Variants in NOS1 observed in about 807,000 individuals in gnomAD.
The protein encoded by NOS1 is NOS type I.
In NOS1, 51 loss-of-function variants were observed where a neutral mutation model predicts 164.5. That is an observed-to-expected ratio of 0.31 (90% CI 0.25 to 0.39). NOS1 has a LOEUF of 0.39. Among genes scored for constraint, NOS1 ranks in the 10% least tolerant of loss-of-function variants. NOS1 has a pLI of 1.00. For missense variants in NOS1, 1,362 were observed against 1,885.6 expected (o/e 0.72, Z 5.14); for synonymous variants, 719 against 745.8 (o/e 0.96, Z 0.59).
At chr12:117,233,951 C>T (rs1869485841) in intron 21 of NOS1, among the ~76,000 whole-genome samples, 1 of 152,012 alleles carries the variant, frequency 6.6e-6, no homozygotes, top group Admixed American at 6.6e-5. Flanking sequence ...AGTGACAGTC[C>T]TGTATTGGTC....
Position 117,330,212 on chromosome 12 carries a change from T to A in NOS1, c.725+133A>T. 7.3e-7 allele frequency: 1 copy of A among 1,376,650 alleles called. No homozygotes were observed. Among genetic ancestry groups the A allele is most frequent in the South Asian group, 1.8e-5 (1 of 54,320 alleles). The allele number at this position is 1,376,650 out of a possible 1,614,324, so 85.3% of individuals were successfully genotyped here. On this transcript the variant is annotated intron_variant, in intron 2 of 28. Coordinates refer to ENST00000317775, the MANE Select transcript of NOS1 (RefSeq NM_000620.5). This position sits in a 1 kb window ranked among gnomAD's most constrained non-coding sequence, Gnocchi z 4.6. ...GATCAAGGGGGCCGTCAAGTGGTTA[T>A]GCAAAAACAGGTATCTGAGACAGCC...
In NOS1 at chr12:117,265,466, G is replaced by A; in HGVS notation, c.1986C>T (p.Ser662=). 6.3e-7 allele frequency: 1 copy of A among 1,579,014 alleles called. No individual in the cohort carries two copies. Among genetic ancestry groups the A allele is most frequent in the Non-Finnish European group, 8.6e-7 (1 of 1,162,976 alleles). ...TIVDHHSATE[S]FIKHMENEYR... ...ACTCATTCTCCATGTGCTTAATGAA[G>A]GACTCGGTGGCGGAGTGATGGTCAA... The change falls in exon 12 of 29, where the codon TCC becomes TCT. Residue 662 remains serine (S), a synonymous_variant. Transcript: ENST00000317775.
At chr12:117,235,229 C>G (rs1869606652) in intron 20 of NOS1, among the ~76,000 whole-genome samples, 1 of 152,164 alleles carries the variant, frequency 6.6e-6, no homozygotes, top group Non-Finnish European at 1.5e-5. Flanking sequence ...TCATTCTACA[C>G]TGAGGCTTTT....
chr12:117,245,215 G>A (rs554014159), intron 18 of NOS1, among the ~76,000 whole-genome samples: 181 of 152,272 alleles, frequency 1.2e-3, no homozygotes, highest in African/African-American at 4.3e-3. Context: ...TTCCCCTGGG[G>A]TTGCTGAGGA....
chr12:117,249,392 T>A (rs1032219583), intron 17 of NOS1, among the ~76,000 whole-genome samples: 32 of 152,338 alleles, frequency 2.1e-4, no homozygotes, highest in South Asian at 4.1e-4. Context: ...CTGGAACCAC[T>A]GGTTGTTTCT....
At position 117,352,211 on chromosome 12, in the gene NOS1, A is replaced by ACATACATG. The variant is rs1250334968; in HGVS notation, c.-421+9300_-421+9301insCATGTATG. On this transcript the variant is annotated intron_variant, in intron 1 of 28. Coordinates refer to ENST00000317775, the MANE Select transcript of NOS1 (RefSeq NM_000620.5). ...TACATACATACATACATACATACAT[A>ACATACATG]CATGCATACATAATACAGTGTTCAA... 2.1e-4 allele frequency among the ~76,000 whole-genome samples: 32 copies of ACATACATG among 151,910 alleles called. No homozygotes were observed. The East Asian group carries it at 2.3e-3, about 11-fold the overall frequency.
intron 17 of NOS1, among the ~76,000 whole-genome samples, chr12:117,248,197 A>T (rs1341834663): frequency 4.3e-4 from 64 of 149,186 alleles, no homozygotes; most frequent in Admixed American, 1.1e-3. Flanking sequence ...TTTTTTTTTT[A>T]AATTTATTAT....
intron 7 of NOS1, among the ~76,000 whole-genome samples, chr12:117,281,507 G>GAGA (rs1566056800): frequency 1.2e-5 from 1 of 80,674 alleles, no homozygotes; most frequent in African/African-American, 4.9e-5. Context: ...GCGACAGAGC[G>GAGA]AGACTCCATC....
At chr12:117,323,972 C>T (rs1875113253) in intron 2 of NOS1, among the ~76,000 whole-genome samples, 1 of 150,862 alleles carries the variant, frequency 6.6e-6, no homozygotes, top group Non-Finnish European at 1.5e-5. Context: ...TTATATTTAG[C>T]AGAGATGGGG....
At chr12:117,222,498 C>T (rs956242620) in intron 26 of NOS1, among the ~76,000 whole-genome samples, 5 of 152,198 alleles carry the variant, frequency 3.3e-5, no homozygotes, top group African/African-American at 1.2e-4. Context: ...AAGTGATCCA[C>T]CTGCCTTGGC....
chr12:117,209,695 C>G lies in NOS1; in HGVS notation c.*5614G>C. On this transcript the variant is annotated 3_prime_UTR_variant, in exon 29 of 29. Transcript: ENST00000317775. ...GGCTTTGATAAGTATTAATAGGAAA[C>G]AGACTCTCGACAGACACTGCTTTCC... 1 of 985,504 alleles carries G rather than the reference C, an allele frequency of 1.0e-6. No homozygotes were observed. The highest frequency in any genetic ancestry group is 1.2e-6 in the Non-Finnish European group (1 of 829,956). 61.0% of individuals were successfully genotyped at this position (985,504 alleles called of 1,614,324 possible).
chr12:117,214,442 G>A lies in NOS1; in HGVS notation c.*867C>T. 3.0e-6 allele frequency: 3 copies of A among 985,342 alleles called. No individual in the cohort carries two copies. Among genetic ancestry groups the A allele is most frequent in the Non-Finnish European group, 3.6e-6 (3 of 829,910 alleles). 61.0% of individuals were successfully genotyped at this position (985,342 alleles called of 1,614,324 possible). A position where few individuals can be genotyped will look rare whatever the true frequency, so the allele number is the denominator to read the frequency against. ...TGGAGGAGGGGGTCAGTCAATGGAT[G>A]TGGCAAAGTCAAGTGATTCTAGCTG... On this transcript the variant is annotated 3_prime_UTR_variant, in exon 29 of 29. Transcript: ENST00000317775.
At chr12:117,293,032 C>A (rs1260138327) in intron 3 of NOS1, among the ~76,000 whole-genome samples, 1 of 152,130 alleles carries the variant, frequency 6.6e-6, no homozygotes, top group Non-Finnish European at 1.5e-5. Flanking sequence ...GAAGAGGAAG[C>A]AAGGTCTTAC....
chr12:117,225,062 A>G lies in NOS1; in HGVS notation c.3780T>C (p.Pro1260=). 6.2e-7 allele frequency: 1 copy of G among 1,614,196 alleles called. No homozygotes were observed. The highest frequency in any genetic ancestry group is 1.6e-4 in the Middle Eastern group (1 of 6,062). ...ILVGPGTGIA[P]FRSFWQQRQF... ...GCCGCTGTTGCCAGAAGCTTCGGAA[A>G]GGGGCAATGCCGGTGCCTGGTCCAA... Residue 1260 remains proline (P), a synonymous_variant, in exon 25 of 29, where the codon CCT becomes CCC. Transcript: ENST00000317775.
At chr12:117,231,833 A>T in intron 22 of NOS1, 129 bp downstream of exon 22, 1 of 1,008,848 alleles carries the variant, frequency 9.9e-7, no homozygotes, top group Non-Finnish European at 1.5e-6. Flanking sequence ...ATGGCAATCT[A>T]CAGCAAATAA....
At chr12:117,263,538 A>G (rs1175645493) in intron 13 of NOS1, among the ~76,000 whole-genome samples, 2 of 151,590 alleles carry the variant, frequency 1.3e-5, no homozygotes, top group African/African-American at 2.4e-5. Flanking sequence ...GAATGTTTAC[A>G]TCATGGAAAC....
rs60613906 is a variant in NOS1, at chr12:117,335,729, TGA to T, written c.-420-4242_-420-4241del. Among the ~76,000 whole-genome samples the T allele has an allele frequency of 4.2e-3, 468 of 112,586 alleles. 6 individuals are homozygous for T. Among genetic ancestry groups the T allele is most frequent in the Non-Finnish European group, 5.3e-3 (292 of 55,362 alleles). The allele number at this position is 112,586 out of a possible 152,430, so 73.9% of individuals were successfully genotyped here. On this transcript the variant is annotated intron_variant, in intron 1 of 28. Coordinates refer to ENST00000317775, the MANE Select transcript of NOS1 (RefSeq NM_000620.5). ...TTTTATTTAATTGTTACAGACTATA[TGA>T]GAGAGAGAGAGAGAGAGAGAGAGAG... is the stretch of plus-strand genomic sequence containing the variant.
intron 15 of NOS1, 96 bp downstream of exon 15, chr12:117,258,930 C>T: frequency 1.3e-6 from 1 of 792,506 alleles, no homozygotes; most frequent in Non-Finnish European, 2.1e-6. Flanking sequence ...GGAGGGTTTG[C>T]TACTGAATAG....
chr12:117,305,229 G>A lies in NOS1; in HGVS notation c.852+6237C>T, dbSNP rs559633115. ...TGTAATCTCAGCACTTTGGGAGGCCGAGGCGGGTGGATCACAAGGTCAGGA... is the reference window on the plus strand; with the variant it reads ...TGTAATCTCAGCACTTTGGGAGGCCAAGGCGGGTGGATCACAAGGTCAGGA... On this transcript the variant is annotated intron_variant, in intron 3 of 28. Transcript: ENST00000317775. 1.2e-4 allele frequency among the ~76,000 whole-genome samples: 19 copies of A among 152,286 alleles called. No homozygotes were observed. In the South Asian group the frequency reaches 3.1e-3, roughly 25 times the overall value.
Sources: gnomAD v4.1 joint callset for allele counts (sites outside exome capture counted in the v4.1 genomes callset) on GRCh38, gnomAD v4.1.1 for gene constraint, Gnocchi (gnomAD v3.1) non-coding constraint, MANE v1.5 for transcripts, NCBI Gene and HGNC (gene_info 2026-07-23, HGNC 2026-07-21) for gene names.